EDA: variants seen among roughly 807,000 people sequenced by gnomAD.
EDA encodes the protein ectodysplasin A, also known as ectodysplasin-A.
A neutral mutation model predicts 23.6 loss-of-function variants in EDA; 2 were observed. The ratio of observed to expected loss-of-function variants is 0.08; its 90% CI spans 0.03 to 0.27. The LOEUF (loss-of-function observed/expected upper bound fraction) is 0.27. Ranked by LOEUF, EDA falls within the 10% of genes least tolerant of loss-of-function variation. The probability of loss-of-function intolerance (pLI) is 1.00; values close to 1 mark genes in which losing one functional copy is unlikely to be tolerated. For missense variants in EDA, 229 were observed against 324.2 expected (o/e 0.71, Z 2.26); for synonymous variants, 131 against 132.0 (o/e 0.99, Z 0.05).
chrX:69,703,383 G>A (rs1221109333), intron 1 of EDA, among the ~76,000 whole-genome samples: 3 of 111,925 alleles, frequency 2.7e-5, no homozygotes, highest in African/African-American at 9.7e-5. Flanking sequence ...TGCTCTCCAG[G>A]GTGGAGGCGT....
chrX:69,810,090 T>C (rs2015910105), intron 1 of EDA, among the ~76,000 whole-genome samples: 1 of 104,619 alleles, frequency 9.6e-6, no homozygotes, highest in African/African-American at 3.5e-5. Context: ...TGAAATCCCG[T>C]CTCAACTAAA....
At chrX:69,803,205 GA>G (rs1318337646) in intron 1 of EDA, among the ~76,000 whole-genome samples, 1 of 110,983 alleles carries the variant, frequency 9.0e-6, no homozygotes, top group East Asian at 3.0e-4. Flanking sequence ...TTTAGCATTT[GA>G]AAAAGATAAT....
At chrX:69,683,601 G>C (rs772562137) in intron 1 of EDA, among the ~76,000 whole-genome samples, 2 of 110,604 alleles carry the variant, frequency 1.8e-5, no homozygotes, top group South Asian at 7.6e-4. Context: ...TTTCATCTTA[G>C]TCATTTTTAT....
chrX:69,937,390 G>A lies in EDA; in HGVS notation c.397-19637G>A, dbSNP rs144253788. The stretch of plus-strand genomic sequence containing the variant: ...AGCTCTAACTGTTCTGCCACCTCCT[G>A]TAATCCATCTTTGAGATGTTTGCAG... On this transcript the variant is annotated intron_variant, in intron 1 of 7. Coordinates refer to ENST00000374552, the MANE Select transcript of EDA (RefSeq NM_001399.5). 458 of 661,397 alleles carry A rather than the reference G, an allele frequency of 6.9e-4. 1 individual carries two copies. The highest frequency in any genetic ancestry group is 6.8e-3 in the African/African-American group (316 of 46,688). The allele number at this position is 661,397 out of a possible 1,213,427, so 54.5% of individuals were successfully genotyped here. A position where few individuals can be genotyped will look rare whatever the true frequency, so the allele number is the denominator to read the frequency against.
chrX:69,759,113 C>G (rs1228582221), intron 1 of EDA, among the ~76,000 whole-genome samples: 1 of 112,331 alleles, frequency 8.9e-6, no homozygotes, highest in Non-Finnish European at 1.9e-5. Flanking sequence ...TTTCTTTCCT[C>G]TTCTTTCTAG....
chrX:69,650,702 G>C (rs1933079289), intron 1 of EDA, among the ~76,000 whole-genome samples: 1 of 111,554 alleles, frequency 9.0e-6, no homozygotes, highest in East Asian at 2.8e-4. Context: ...AATATAATAT[G>C]TACAACTATT....
chrX:69,648,933 G>A (rs894067705), intron 1 of EDA, among the ~76,000 whole-genome samples: 50 of 111,650 alleles, frequency 4.5e-4, no homozygotes, highest in African/African-American at 1.6e-3. Context: ...GCATAGATCT[G>A]TGGGAGAAAC....
intron 1 of EDA, among the ~76,000 whole-genome samples, chrX:69,823,359 T>C (rs2016294137): frequency 1.2e-5 from 1 of 86,497 alleles, no homozygotes; most frequent in Non-Finnish European, 2.2e-5. Context: ...CCAGCACCTG[T>C]TGTTTCCTGA....
intron 1 of EDA, among the ~76,000 whole-genome samples, chrX:69,898,551 C>G (rs2018053479): frequency 9.0e-6 from 1 of 111,672 alleles, no homozygotes; most frequent in Admixed American, 9.5e-5. Flanking sequence ...CCACTGCACT[C>G]CAGCCTGGGT....
intron 2 of EDA, among the ~76,000 whole-genome samples, chrX:70,019,346 T>G (rs189825032): frequency 1.3e-3 from 141 of 111,856 alleles, no homozygotes; most frequent in African/African-American, 4.4e-3. Context: ...TTATTGGGTA[T>G]ATACACAAAA....
At chrX:69,910,107 A>T (rs983077467) in intron 1 of EDA, among the ~76,000 whole-genome samples, 1 of 111,057 alleles carries the variant, frequency 9.0e-6, no homozygotes, top group African/African-American at 3.3e-5. Flanking sequence ...TATATCTATT[A>T]TTAAAGTGCT....
At chrX:69,720,069 C>G (rs2012523896) in intron 1 of EDA, among the ~76,000 whole-genome samples, 1 of 111,722 alleles carries the variant, frequency 9.0e-6, no homozygotes, top group Admixed American at 9.5e-5. Context: ...TTTATCTACT[C>G]ACCCACTGAT....
At chrX:69,987,419 G>A (rs997934623) in intron 2 of EDA, among the ~76,000 whole-genome samples, 43 of 108,890 alleles carry the variant, frequency 3.9e-4, no homozygotes, top group Non-Finnish European at 7.8e-4. Flanking sequence ...AAATACCCTG[G>A]GTATAACACA....
chrX:70,027,161 C>T (rs1024184252), intron 3 of EDA, among the ~76,000 whole-genome samples: 5 of 112,033 alleles, frequency 4.5e-5, no homozygotes, highest in Admixed American at 3.8e-4. Context: ...GAGAAATTCT[C>T]ATCCTTTGGA....
intron 1 of EDA, among the ~76,000 whole-genome samples, chrX:69,643,816 T>A (rs1219623105): frequency 1.8e-5 from 2 of 112,075 alleles, no homozygotes; most frequent in African/African-American, 6.5e-5. Context: ...AATTTCAATT[T>A]TCTGCATATG....
chrX:69,750,663 T>C (rs1458197905), intron 1 of EDA, among the ~76,000 whole-genome samples: 6 of 111,255 alleles, frequency 5.4e-5, no homozygotes, highest in Non-Finnish European at 9.4e-5. Flanking sequence ...TTCCTATTTC[T>C]CCACATCCTC....
intron 2 of EDA, among the ~76,000 whole-genome samples, chrX:70,013,347 C>T (rs1429407595): frequency 2.7e-5 from 3 of 110,901 alleles, no homozygotes; most frequent in Non-Finnish European, 3.8e-5. Flanking sequence ...GTCCTTACCC[C>T]CTACACTTCA....
chrX:69,805,326 A>T lies in EDA; in HGVS notation c.397-151701A>T, dbSNP rs189488829. ...TCTGCCTTTGCTCATTGCTGAAACT[A>T]TAGTTCTTGACACAAAGGTACGAAA... is the stretch of plus-strand genomic sequence containing the variant. On this transcript the variant is annotated intron_variant, in intron 1 of 7. Transcript: ENST00000374552. Among the ~76,000 whole-genome samples the T allele has an allele frequency of 2.7e-5, 3 of 111,320 alleles. No individual in the cohort carries two copies. In the Admixed American group the frequency reaches 2.9e-4, roughly 11 times the overall value.
chrX:69,768,650 T>C (rs2014540278), intron 1 of EDA, among the ~76,000 whole-genome samples: 1 of 112,048 alleles, frequency 8.9e-6, no homozygotes, highest in Non-Finnish European at 1.9e-5. Context: ...TTGTTCTTTT[T>C]TGAAGTTATT....
Sources: gnomAD v4.1 joint callset for allele counts (sites outside exome capture counted in the v4.1 genomes callset) on GRCh38, gnomAD v4.1.1 for gene constraint, MANE v1.5 for transcripts, NCBI Gene and HGNC (gene_info 2026-07-23, HGNC 2026-07-21) for gene names.